The following EPHA3 variants were observed in gnomAD, a reference collection of about 807,000 sequenced individuals.
EPHA3 encodes ephrin type-A receptor 3.
In EPHA3, 42 loss-of-function variants were observed where a neutral mutation model predicts 107.1. The observed-to-expected ratio is 0.39, with a 90% CI of 0.31 to 0.51. The LOEUF (loss-of-function observed/expected upper bound fraction) is 0.51, where lower values mean the gene tolerates loss of function less well. Among genes scored for constraint, EPHA3 ranks in the 20% least tolerant of loss-of-function variants. The probability of loss-of-function intolerance (pLI) is 0.78; values close to 1 mark genes in which losing one functional copy is unlikely to be tolerated. For synonymous variants in EPHA3, 461 were observed against 424.8 expected, an observed-to-expected ratio of 1.09 and a Z score of -1.05; for missense variants, 1,183 against 1,211.2, an observed-to-expected ratio of 0.98 and a Z score of 0.35.
chr3:89,378,594 G>A (rs969168247), intron 5 of EPHA3, among the ~76,000 whole-genome samples: 2 of 152,114 alleles, frequency 1.3e-5, no homozygotes, highest in African/African-American at 4.8e-5. Flanking sequence ...GTATCTCCCT[G>A]TAAAACTGAA....
At chr3:89,215,190 T>C (rs1214796109) in intron 3 of EPHA3, among the ~76,000 whole-genome samples, 1 of 151,924 alleles carries the variant, frequency 6.6e-6, no homozygotes, top group Non-Finnish European at 1.5e-5. Context: ...GCCCAAATAC[T>C]ATAAAGGCAG....
At chr3:89,407,472 A>G (rs749613940) in intron 8 of EPHA3, 101 bp downstream of exon 8, 183 of 905,448 alleles carry the variant, frequency 2.0e-4, no homozygotes, top group Non-Finnish European at 3.0e-4. Context: ...AAAATATTTT[A>G]ACAAATAAGA....
chr3:89,326,182 C>G (rs1290024914), intron 3 of EPHA3, among the ~76,000 whole-genome samples: 1 of 151,712 alleles, frequency 6.6e-6, no homozygotes, highest in African/African-American at 2.4e-5. Context: ...GGTTCCAGGA[C>G]CCCTGAGGAT....
At chr3:89,321,665 G>A (rs1341960816) in intron 3 of EPHA3, among the ~76,000 whole-genome samples, 1 of 151,898 alleles carries the variant, frequency 6.6e-6, no homozygotes, top group Non-Finnish European at 1.5e-5. Context: ...TAAACCAGTG[G>A]GGACAAAAGA....
intron 5 of EPHA3, among the ~76,000 whole-genome samples, chr3:89,380,116 C>G (rs950782806): frequency 6.6e-6 from 1 of 152,010 alleles, no homozygotes; most frequent in Non-Finnish European, 1.5e-5. Flanking sequence ...TATTTTGATG[C>G]AATGCATACG....
At position 89,399,357 on chromosome 3, in the gene EPHA3, G is replaced by A. The variant is rs2107508117; in HGVS notation, c.1471G>A (p.Gly491Ser). 6.2e-7 allele frequency: 1 copy of A among 1,613,398 alleles called. No individual in the cohort carries two copies. Among genetic ancestry groups the A allele is most frequent in the Non-Finnish European group, 8.5e-7 (1 of 1,179,576 alleles). ...AAGTTATACCATTCTGAGGGCAAGAGGCACAAATGTTACCATCAGTAGCCT... is the reference window on the plus strand; with the variant it reads ...AAGTTATACCATTCTGAGGGCAAGAAGCACAAATGTTACCATCAGTAGCCT... ...ETSYTILRAR[G>S]TNVTISSLKP... is the part of the protein sequence containing the mutation. Residue 491 changes from glycine to serine, a missense_variant, in exon 7 of 17, where the codon GGC (glycine) becomes AGC (serine). Transcript: ENST00000336596.
chr3:89,158,019 T>C (rs1350777184), intron 2 of EPHA3, among the ~76,000 whole-genome samples: 2 of 152,066 alleles, frequency 1.3e-5, no homozygotes, highest in African/African-American at 4.8e-5. Context: ...GAGCCTACCA[T>C]TGCTTGTTTG....
chr3:89,186,862 CT>C (rs755398407), intron 2 of EPHA3, among the ~76,000 whole-genome samples: 4 of 151,982 alleles, frequency 2.6e-5, no homozygotes, highest in Admixed American at 6.6e-5. Context: ...CGTTATGCAC[CT>C]GTTGATTGAA....
chr3:89,186,215 A>G (rs1559590685), intron 2 of EPHA3, among the ~76,000 whole-genome samples: 1 of 152,004 alleles, frequency 6.6e-6, no homozygotes, highest in Non-Finnish European at 1.5e-5. Flanking sequence ...ATTTCACTGC[A>G]TTATCATGAT....
At chr3:89,136,246 A>G (rs1037260555) in intron 2 of EPHA3, among the ~76,000 whole-genome samples, 1 of 149,646 alleles carries the variant, frequency 6.7e-6, no homozygotes, top group Admixed American at 6.7e-5. Context: ...ACTCTATTTT[A>G]AGTATGTCAC....
chr3:89,372,114 C>A (rs972229044), intron 5 of EPHA3, among the ~76,000 whole-genome samples: 1 of 151,516 alleles, frequency 6.6e-6, no homozygotes, highest in African/African-American at 2.4e-5. Context: ...TGAAACATTC[C>A]GATAAAATTG....
At position 89,363,215 on chromosome 3, in the gene EPHA3, AG is replaced by A. The variant is rs938212942; in HGVS notation, c.1306+21128del. On this transcript the variant is annotated intron_variant, in intron 5 of 16. Coordinates refer to ENST00000336596, the MANE Select transcript of EPHA3 (RefSeq NM_005233.6). ...ATTGAGAGAGAGATAGAGAGGGGGCAGGGAAAGAATACACCAATAGACTGTG... is the reference window on the plus strand; with the variant it reads ...ATTGAGAGAGAGATAGAGAGGGGGCAGGAAAGAATACACCAATAGACTGTG... Among the ~76,000 whole-genome samples, 20 of 150,800 alleles carry A rather than the reference AG, an allele frequency of 1.3e-4. 2 individuals are homozygous for A. The highest frequency in any genetic ancestry group is 2.8e-4 in the Non-Finnish European group (19 of 67,390).
intron 5 of EPHA3, among the ~76,000 whole-genome samples, chr3:89,374,555 G>A (rs2107475584): frequency 6.6e-6 from 1 of 151,974 alleles, no homozygotes; most frequent in South Asian, 2.1e-4. Flanking sequence ...CAAAAGTGAA[G>A]AGCAGGCTAT....
intron 3 of EPHA3, among the ~76,000 whole-genome samples, chr3:89,293,222 T>C (rs898204716): frequency 2.6e-5 from 4 of 152,132 alleles, no homozygotes; most frequent in Non-Finnish European, 5.9e-5. Context: ...ATTTTGAAAG[T>C]TCTTTGTATT....
At chr3:89,139,915 G>T (rs1350308714) in intron 2 of EPHA3, among the ~76,000 whole-genome samples, 2 of 151,812 alleles carry the variant, frequency 1.3e-5, no homozygotes, top group African/African-American at 4.8e-5. Flanking sequence ...CGAGTGTCAT[G>T]CATTGCAGCA....
chr3:89,440,744 T>C (rs934194171), intron 13 of EPHA3, among the ~76,000 whole-genome samples: 1 of 152,216 alleles, frequency 6.6e-6, no homozygotes, highest in Non-Finnish European at 1.5e-5. Flanking sequence ...GAGTGGAGTT[T>C]AGCAGTTATG....
chr3:89,186,149 C>T (rs1340757997), intron 2 of EPHA3, among the ~76,000 whole-genome samples: 1 of 151,694 alleles, frequency 6.6e-6, no homozygotes, highest in Non-Finnish European at 1.5e-5. Context: ...GTCTTACATT[C>T]ATAATTGGCA....
At chr3:89,272,201 G>A (rs1451638293) in intron 3 of EPHA3, among the ~76,000 whole-genome samples, 2 of 151,742 alleles carry the variant, frequency 1.3e-5, no homozygotes, top group Non-Finnish European at 2.9e-5. Context: ...CAGCTGCATG[G>A]GGAATCAGTG....
rs186794755 is a variant in EPHA3, at chr3:89,351,815, G to T, written c.1306+9725G>T. ...CATATCCAAATGGCAAAAACAAATT[G>T]ATGTTCTGTTTACCTCCAGTTTCTA... is the stretch of plus-strand genomic sequence containing the variant. On this transcript the variant is annotated intron_variant, in intron 5 of 16. Coordinates refer to ENST00000336596, the MANE Select transcript of EPHA3 (RefSeq NM_005233.6). Among the ~76,000 whole-genome samples, 32 of 150,314 alleles carry T rather than the reference G, an allele frequency of 2.1e-4. No homozygotes were observed. In the East Asian group the frequency reaches 5.5e-3, roughly 26 times the overall value.
Sources: allele counts gnomAD v4.1 joint callset (sites outside exome capture counted in the v4.1 genomes callset), GRCh38; gene constraint gnomAD v4.1.1; transcripts MANE v1.5; gene names NCBI Gene and HGNC (gene_info 2026-07-23, HGNC 2026-07-21).